QTGAL: variants seen among roughly 807,000 people sequenced by gnomAD.
QTGAL encodes the protein queuosine-tRNA galactosyltransferase, also known as BGnT-like protein 1.
chr17:82,998,376 C>T, the QTGAL span, among the ~76,000 whole-genome samples: 1 of 152,170 alleles, frequency 6.6e-6, no homozygotes, highest in South Asian at 2.1e-4. Flanking sequence ...GACGGAGTTT[C>T]ACTCTGTCTC....
chr17:83,044,070 G>T, the QTGAL span, among the ~76,000 whole-genome samples: 1 of 152,154 alleles, frequency 6.6e-6, no homozygotes, highest in Non-Finnish European at 1.5e-5. Context: ...CAAACTCAGA[G>T]AATTACTAAC....
the QTGAL span, among the ~76,000 whole-genome samples, chr17:83,041,542 G>C: frequency 6.6e-6 from 1 of 152,170 alleles, no homozygotes; most frequent in Non-Finnish European, 1.5e-5. Context: ...AAGATTAACC[G>C]CTTACTTCTC....
chr17:82,962,465 GGTCCCGCGGGTGCTGGTGGACACGGACC>G, the QTGAL span, among the ~76,000 whole-genome samples: 1 of 151,494 alleles, frequency 6.6e-6, no homozygotes, highest in African/African-American at 2.4e-5. Context: ...TAGGGTGGAG[GGTCCCGCGGGTGCTGGTGGACACGGACC>G]CTCACACGGG....
the QTGAL span, among the ~76,000 whole-genome samples, chr17:83,051,477 C>G: frequency 6.6e-6 from 1 of 152,256 alleles, no homozygotes; most frequent in East Asian, 1.9e-4. Context: ...GGAGGCCACG[C>G]TCGCGGGACG....
the QTGAL span, among the ~76,000 whole-genome samples, chr17:83,040,901 T>C: frequency 6.6e-6 from 1 of 151,824 alleles, no homozygotes; most frequent in African/African-American, 2.4e-5. Flanking sequence ...CCATCTCTAC[T>C]AAAAAATACA....
chr17:82,963,109 C>T, the QTGAL span, among the ~76,000 whole-genome samples: 11 of 152,294 alleles, frequency 7.2e-5, no homozygotes, highest in South Asian at 2.1e-4. Context: ...GTGTGGCCGC[C>T]GCCCAGCCCC....
the QTGAL span, among the ~76,000 whole-genome samples, chr17:83,045,931 C>G: frequency 3.3e-5 from 5 of 151,976 alleles, no homozygotes; most frequent in African/African-American, 1.2e-4. Flanking sequence ...TCAAGCAATT[C>G]TTCTGTCTCA....
chr17:82,996,024 TAACTC>T, the QTGAL span, among the ~76,000 whole-genome samples: 1 of 152,078 alleles, frequency 6.6e-6, no homozygotes, highest in Admixed American at 6.5e-5. Context: ...ACCAAGGAAT[TAACTC>T]AACCAAAGGA....
At chr17:83,001,657 G>C in the QTGAL span, among the ~76,000 whole-genome samples, 1 of 152,248 alleles carries the variant, frequency 6.6e-6, no homozygotes, top group Non-Finnish European at 1.5e-5. Context: ...CCTGCACACA[G>C]AGACATCTGA....
At chr17:82,968,473 T>G in the QTGAL span, among the ~76,000 whole-genome samples, 15 of 147,278 alleles carry the variant, frequency 1.0e-4, 1 homozygote, top group African/African-American at 2.6e-4. Context: ...GTGTGCACGG[T>G]GCACAGATGT....
At chr17:83,002,553 GACC>G in the QTGAL span, among the ~76,000 whole-genome samples, 1 of 152,176 alleles carries the variant, frequency 6.6e-6, no homozygotes, top group Non-Finnish European at 1.5e-5. Flanking sequence ...GTCATGACAT[GACC>G]ACAAGATGGT....
chr17:83,002,636 G>A, the QTGAL span, among the ~76,000 whole-genome samples: 1 of 152,140 alleles, frequency 6.6e-6, no homozygotes, highest in South Asian at 2.1e-4. Flanking sequence ...ATGTGGCAAC[G>A]GCCACGTCCC....
At chr17:82,988,755 T>A in the QTGAL span, among the ~76,000 whole-genome samples, 1 of 151,994 alleles carries the variant, frequency 6.6e-6, no homozygotes, top group South Asian at 2.1e-4. Context: ...GATAAAAAGC[T>A]CAACATCACT....
the QTGAL span, chr17:82,946,980 G>C: frequency 6.4e-7 from 1 of 1,558,918 alleles, no homozygotes; most frequent in Non-Finnish European, 8.7e-7. Context: ...CCCCCTGTGA[G>C]GTCCTGTCAG....
At chr17:83,029,908 G>A in the QTGAL span, among the ~76,000 whole-genome samples, 3 of 152,280 alleles carry the variant, frequency 2.0e-5, no homozygotes, top group African/African-American at 4.8e-5. Flanking sequence ...TTGCTTTCTT[G>A]CAACCTATCT....
the QTGAL span, among the ~76,000 whole-genome samples, chr17:82,966,483 A>G: frequency 1.3e-5 from 2 of 152,252 alleles, no homozygotes; most frequent in African/African-American, 4.8e-5. Context: ...TATGGTGATC[A>G]AGGTTGATTG....
At chr17:83,046,372 G>A in the QTGAL span, among the ~76,000 whole-genome samples, 1 of 152,170 alleles carries the variant, frequency 6.6e-6, no homozygotes, top group Non-Finnish European at 1.5e-5. Context: ...CCTGACCTCA[G>A]GTGGTCCACC....
At chr17:83,024,673 A>C in the QTGAL span, among the ~76,000 whole-genome samples, 4 of 152,240 alleles carry the variant, frequency 2.6e-5, no homozygotes, top group Non-Finnish European at 5.9e-5. Context: ...CCCGGGGCTG[A>C]GACTGCGGAA....
the QTGAL span, among the ~76,000 whole-genome samples, chr17:82,974,412 A>C: frequency 3.3e-5 from 5 of 152,198 alleles, no homozygotes; most frequent in South Asian, 4.1e-4. Flanking sequence ...TCTCAGCAGA[A>C]CACAGCTGCC....
Sources: allele counts gnomAD v4.1 joint callset (sites outside exome capture counted in the v4.1 genomes callset), GRCh38; gene constraint gnomAD v4.1.1; transcripts MANE v1.5; gene names NCBI Gene and HGNC (gene_info 2026-07-23, HGNC 2026-07-21).